Variants in TRIOBP observed in about 807,000 individuals in gnomAD.
The protein encoded by TRIOBP is TRIO and F-actin-binding protein.
A neutral mutation model predicts 238.8 loss-of-function variants in TRIOBP; 169 were observed. The ratio of observed to expected loss-of-function variants is 0.71; its 90% CI spans 0.62 to 0.80. The LOEUF is 0.80. TRIOBP is among the 30% of genes least tolerant of loss of function. The pLI is 0.00. For missense variants in TRIOBP, 2,838 were observed against 3,122.6 expected (o/e 0.91, Z 2.17); for synonymous variants, 1,150 against 1,274.4 (o/e 0.90, Z 2.08).
intron 5 of TRIOBP, 24 bp downstream of exon 5, chr22:37,713,435 G>A (rs1217000605): frequency 1.2e-6 from 2 of 1,609,590 alleles, no homozygotes; most frequent in South Asian, 2.2e-5. Flanking sequence ...GGGAGTTTGG[G>A]GGACAAGAGT....
Position 37,710,372 on chromosome 22 carries a change from G to T in TRIOBP, c.115-55G>T, listed in dbSNP as rs73409461. 1,081 of 1,608,070 alleles carry T rather than the reference G, an allele frequency of 6.7e-4. 10 individuals carry two copies. The African/African-American group carries it at 0.013, about 19-fold the overall frequency. On this transcript the variant is annotated intron_variant, in intron 3 of 23. Coordinates refer to ENST00000644935, the MANE Select transcript of TRIOBP (RefSeq NM_001039141.3). ...GCCACCGGGAGGGGCTGTGCAGGGG[G>T]AGGGGAGCCCCCACGTGGGCGCTGA...
At position 37,740,910 on chromosome 22, in the gene TRIOBP, G is replaced by A; in HGVS notation, c.5200G>A (p.Ala1734Thr). 1.9e-6 allele frequency: 3 copies of A among 1,574,820 alleles called. No individual in the cohort carries two copies. Among genetic ancestry groups the A allele is most frequent in the South Asian group, 1.2e-5 (1 of 85,742 alleles). Reference protein sequence around the residue: ...KQADSADKRPAEGKAGSPLKG... With the variant: ...KQADSADKRPTEGKAGSPLKG... Reference sequence around the variant, plus strand: ...TGTTTGACAGGCAGACAAGAGGCCAGCAGAGGGCAAGGCTGGGAGCCCGCT... The same window carrying A: ...TGTTTGACAGGCAGACAAGAGGCCAACAGAGGGCAAGGCTGGGAGCCCGCT... Residue 1734 changes from alanine (A) to threonine (T), a missense_variant, in exon 11 of 24, where the codon GCA becomes ACA. By Grantham distance (58) the Ala-to-Thr change is moderately conservative. Around this residue, in one of 5 missense-constraint regions of TRIOBP, gnomAD observed 2,096 missense variants for 2,137.4 expected, o/e 0.98. Transcript: ENST00000644935.
intron 11 of TRIOBP, chr22:37,746,081 G>GCCGTCC: frequency 3.9e-6 from 1 of 258,364 alleles, no homozygotes; most frequent in Non-Finnish European, 5.3e-6. Context: ...CGCCGCCCTA[G>GCCGTCC]CGCGCCCGTC....
At position 37,726,429 on chromosome 22, in the gene TRIOBP, G is replaced by A. The variant is rs573353902; in HGVS notation, c.3873G>A (p.Ala1291=). The A allele has an allele frequency of 4.4e-5, 70 of 1,583,010 alleles. No individual in the cohort carries two copies. Among genetic ancestry groups the A allele is most frequent in the East Asian group, 3.8e-4 (17 of 44,190 alleles). The part of the protein sequence containing the change: ...RLAQRQPGPQ[A]QCSSGGRTHS... The stretch of plus-strand genomic sequence containing the variant: ...CCCAGAGACAGCCAGGGCCCCAGGC[G>A]CAGTGCAGCAGCGGGGGCCGCACCC... Residue 1291 remains alanine (A), a synonymous_variant, in exon 7 of 24, where the codon GCG becomes GCA. Transcript: ENST00000644935.
chr22:37,712,061 TTAAAG>T lies in TRIOBP; in HGVS notation c.255-1147_255-1143del, dbSNP rs368922832. 3.7e-3 allele frequency among the ~76,000 whole-genome samples: 570 copies of T among 152,014 alleles called. 3 individuals carry two copies. The highest frequency in any genetic ancestry group is 0.013 in the African/African-American group (546 of 41,454). ...GGGGTCAGTAGACTAAGACTAAGACTTAAAGTTGGGGCTGGGGCAATAGTTTTGGT... is the reference window on the plus strand; with the variant it reads ...GGGGTCAGTAGACTAAGACTAAGACTTTGGGGCTGGGGCAATAGTTTTGGT... On this transcript the variant is annotated intron_variant, in intron 4 of 23. Transcript: ENST00000644935.
intron 1 of TRIOBP, 55 bp downstream of exon 1, chr22:37,697,144 G>A (rs1178537900): frequency 6.6e-6 from 1 of 152,294 alleles, no homozygotes; most frequent in Non-Finnish European, 1.5e-5. Flanking sequence ...TACAGGAGGG[G>A]TAGGGGTCGA....
Position 37,757,986 on chromosome 22 carries a change from C to T in TRIOBP, c.6061C>T (p.Arg2021Trp), listed in dbSNP as rs1350119849. The change falls in exon 16 of 24, where the codon CGG becomes TGG. Residue 2021 changes from arginine to tryptophan, a missense_variant. Transcript: ENST00000644935. ...CCCCCTGACTGAGGACCAGCAAAACCGGCTTAGTGAGGAGATCGAGAAGAA... is the reference window on the plus strand; with the variant it reads ...CCCCCTGACTGAGGACCAGCAAAACTGGCTTAGTGAGGAGATCGAGAAGAA... ...GAPLTEDQQN[R>W]LSEEIEKKWQ... is the part of the protein sequence containing the mutation. 24 of 1,591,408 alleles carry T rather than the reference C, an allele frequency of 1.5e-5. No individual in the cohort carries two copies. Among genetic ancestry groups the T allele is most frequent in the African/African-American group, 2.7e-5 (2 of 74,364 alleles).
chr22:37,733,257 G>T, intron 7 of TRIOBP, 41 bp from the exon 8 acceptor site: 2 of 1,468,950 alleles, frequency 1.4e-6, no homozygotes, highest in Non-Finnish European at 1.9e-6. Flanking sequence ...GGTGCTGGGA[G>T]TGGGACAGTC....
intron 15 of TRIOBP, among the ~76,000 whole-genome samples, chr22:37,756,306 T>G (rs1386436781): frequency 6.6e-6 from 1 of 152,048 alleles, no homozygotes; most frequent in African/African-American, 2.4e-5. Flanking sequence ...ACAAAAAATT[T>G]AAAAATCAGC....
chr22:37,733,510 T>C (rs1601638487), intron 8 of TRIOBP, 98 bp downstream of exon 8: 1 of 960,326 alleles, frequency 1.0e-6, no homozygotes, highest in Middle Eastern at 3.0e-4. Flanking sequence ...GACAGGAAGG[T>C]CCTCTATGAA....
At position 37,735,437 on chromosome 22, in the gene TRIOBP, C is replaced by G. The variant is rs750164263; in HGVS notation, c.5101C>G (p.Leu1701Val). The stretch of plus-strand genomic sequence containing the variant: ...TGCGAAGGGCCCCAGCTTGCCAGAG[C>G]TGCAGGTAAGGAGGTTTCCACCCTC... Reference protein sequence around the residue: ...STAKGPSLPELQFQPEEPEES... With the variant: ...STAKGPSLPEVQFQPEEPEES... The change falls in exon 9 of 24, where the codon CTG becomes GTG. Residue 1701 changes from leucine (L) to valine (V), a missense_variant. Transcript: ENST00000644935. 1 of 1,561,324 alleles carries G rather than the reference C, an allele frequency of 6.4e-7. No individual in the cohort carries two copies.
intron 2 of TRIOBP, among the ~76,000 whole-genome samples, chr22:37,699,998 C>A (rs1192205113): frequency 6.6e-6 from 1 of 152,130 alleles, no homozygotes; most frequent in Non-Finnish European, 1.5e-5. Context: ...CGTGCCTCAG[C>A]CTCCCAAGTA....
intron 12 of TRIOBP, among the ~76,000 whole-genome samples, chr22:37,752,359 A>C (rs1925659589): frequency 6.6e-6 from 1 of 152,220 alleles, no homozygotes; most frequent in Non-Finnish European, 1.5e-5. Context: ...TACAGGTGCC[A>C]CAAAGCTCCT....
intron 11 of TRIOBP, among the ~76,000 whole-genome samples, chr22:37,748,621 A>C (rs924508317): frequency 6.6e-6 from 1 of 152,068 alleles, no homozygotes; most frequent in Non-Finnish European, 1.5e-5. Context: ...CTGAGCCCCT[A>C]TCTGTGCTGG....
At position 37,746,312 on chromosome 22, in the gene TRIOBP, G is replaced by GGGCGGCGGC. The variant is rs953748818; in HGVS notation, c.5322+5295_5322+5303dup. 3.5e-3 allele frequency: 3,965 copies of GGGCGGCGGC among 1,128,646 alleles called. 7 individuals are homozygous for GGGCGGCGGC. Among genetic ancestry groups the GGGCGGCGGC allele is most frequent in the Non-Finnish European group, 4.0e-3 (3,697 of 923,484 alleles). 69.9% of individuals were successfully genotyped at this position (1,128,646 alleles called of 1,614,324 possible). On this transcript the variant is annotated intron_variant, in intron 11 of 23. Coordinates refer to ENST00000644935, the MANE Select transcript of TRIOBP (RefSeq NM_001039141.3). The stretch of plus-strand genomic sequence containing the variant: ...AGGCGCGGCGGCGGGCGGCCGAGAG[G>GGGCGGCGGC]GGCGGCGGCGGCGGCGGCGGCGGGG...
At chr22:37,751,666 C>A (rs539992601) in intron 11 of TRIOBP, 106 bp from the exon 12 acceptor site, 3 of 1,337,928 alleles carry the variant, frequency 2.2e-6, no homozygotes, top group Non-Finnish European at 3.2e-6. Flanking sequence ...CCCAGGAGCT[C>A]GGTCCCACAG....
Position 37,769,147 on chromosome 22 carries a change from G to C in TRIOBP, c.6695G>C (p.Arg2232Pro). The change falls in exon 20 of 24, where the codon CGC becomes CCC. Residue 2232 changes from arginine (R) to proline (P), a missense_variant. Physicochemically the swap from Arg to Pro is moderately radical, Grantham distance 103. Around this residue, in one of 5 missense-constraint regions of TRIOBP, gnomAD observed 2,096 missense variants for 2,137.4 expected, o/e 0.98. Coordinates refer to ENST00000644935, the MANE Select transcript of TRIOBP (RefSeq NM_001039141.3). ...GAGGAGCGCGAGCACACGCTGCGCC[G>C]CTGCCAGCAGGAGGGCCAGGAGCTG... ...QAEEREHTLR[R>P]CQQEGQELLR... 1 of 1,611,668 alleles carries C rather than the reference G, an allele frequency of 6.2e-7. No homozygotes were observed. Among genetic ancestry groups the C allele is most frequent in the East Asian group, 2.2e-5 (1 of 44,842 alleles).
intron 12 of TRIOBP, among the ~76,000 whole-genome samples, chr22:37,752,979 C>G (rs1322901146): frequency 6.6e-6 from 1 of 152,194 alleles, no homozygotes; most frequent in Admixed American, 6.5e-5. Flanking sequence ...GCCCATGGAG[C>G]TCCACCCAGC....
intron 21 of TRIOBP, among the ~76,000 whole-genome samples, chr22:37,770,251 C>T (rs546010401): frequency 3.1e-4 from 46 of 150,178 alleles, no homozygotes; most frequent in Middle Eastern, 6.8e-3. Flanking sequence ...TCCTGGCTAA[C>T]ACAGTGAAAC....
Sources: gnomAD v4.1 joint callset for allele counts (sites outside exome capture counted in the v4.1 genomes callset) on GRCh38, gnomAD v4.1.1 for gene constraint, gnomAD v4.1.1 regional missense constraint, MANE v1.5 for transcripts, NCBI Gene and HGNC (gene_info 2026-07-23, HGNC 2026-07-21) for gene names.